The following ATP1B3 variants were observed in gnomAD, a reference collection of about 807,000 sequenced individuals.
ATP1B3 encodes ATPase Na+/K+ transporting subunit beta 3.
Under a neutral mutation model 30.2 loss-of-function variants are expected in ATP1B3, and 10 were observed. The observed-to-expected ratio is 0.33, with a 90% CI of 0.20 to 0.56. The LOEUF (loss-of-function observed/expected upper bound fraction) is 0.56. ATP1B3 is among the 20% of genes least tolerant of loss of function. The pLI is 0.90. For missense variants in ATP1B3, 238 were observed against 336.7 expected, an observed-to-expected ratio of 0.71 and a Z score of 2.29; for synonymous variants, 113 against 117.0, an observed-to-expected ratio of 0.97 and a Z score of 0.22.
At chr3:141,912,102 C>T (rs1389375116) in intron 3 of ATP1B3, among the ~76,000 whole-genome samples, 1 of 152,140 alleles carries the variant, frequency 6.6e-6, no homozygotes, top group Non-Finnish European at 1.5e-5. Context: ...TCTACCCCCA[C>T]AAAATACCTG....
intron 1 of ATP1B3, among the ~76,000 whole-genome samples, chr3:141,880,081 A>C (rs182221152): frequency 1.1e-4 from 16 of 152,180 alleles, no homozygotes; most frequent in Admixed American, 2.0e-4. Flanking sequence ...TTAAGTCTTT[A>C]GTATGTTTGT....
At chr3:141,924,511 T>G (rs577452787) in intron 6 of ATP1B3, among the ~76,000 whole-genome samples, 2 of 152,090 alleles carry the variant, frequency 1.3e-5, no homozygotes, top group South Asian at 4.2e-4. Context: ...TAGCTGGGTA[T>G]GGTGGTGGGC....
chr3:141,916,296 A>G, intron 5 of ATP1B3: 2 of 489,470 alleles, frequency 4.1e-6, no homozygotes, highest in Non-Finnish European at 8.0e-6. Context: ...CTGCCAGCTC[A>G]GTAACACTGA....
At chr3:141,906,780 A>T (rs1266598381) in intron 2 of ATP1B3, among the ~76,000 whole-genome samples, 1 of 152,260 alleles carries the variant, frequency 6.6e-6, no homozygotes, top group Admixed American at 6.5e-5. Flanking sequence ...TGACAAAAGT[A>T]CGTAGGCTTT....
chr3:141,912,186 A>G (rs1386921573), intron 3 of ATP1B3, among the ~76,000 whole-genome samples: 1 of 104,410 alleles, frequency 9.6e-6, no homozygotes, highest in Non-Finnish European at 1.9e-5. Flanking sequence ...GATGAAACCA[A>G]ACATTTTGAC....
At chr3:141,876,961 C>G in intron 1 of ATP1B3, 51 bp downstream of exon 1, 1 of 1,433,118 alleles carries the variant, frequency 7.0e-7, no homozygotes, top group Non-Finnish European at 9.4e-7. Context: ...CCCGGGGGCG[C>G]CGGGCGCGGT....
Position 141,913,658 on chromosome 3 carries a change from C to G in ATP1B3, c.353C>G (p.Thr118Ser). The change falls in exon 4 of 7, where the codon ACT becomes AGT. Residue 118 changes from threonine to serine, a missense_variant. This residue lies in a region of ATP1B3 where 130 missense variants were observed against 148.8 expected (regional missense o/e 0.87). Coordinates refer to ENST00000286371, the MANE Select transcript of ATP1B3 (RefSeq NM_001679.4). ...ATATATGTTTCCTTTTTAGCATATA[C>G]TTTAGAAGAACAGAAGAACCTCACA... ...EDLKKFLKPY[T>S]LEEQKNLTVC... 6.2e-7 allele frequency: 1 copy of G among 1,609,674 alleles called. No homozygotes were observed. The highest frequency in any genetic ancestry group is 1.1e-5 in the South Asian group (1 of 90,352).
At chr3:141,883,410 C>G (rs559884796) in intron 1 of ATP1B3, among the ~76,000 whole-genome samples, 5 of 152,026 alleles carry the variant, frequency 3.3e-5, no homozygotes, top group African/African-American at 4.8e-5. Flanking sequence ...TGCAACTATT[C>G]GGGAGGCTGA....
At chr3:141,922,464 C>T (rs576269351) in intron 6 of ATP1B3, among the ~76,000 whole-genome samples, 1 of 151,616 alleles carries the variant, frequency 6.6e-6, no homozygotes, top group African/African-American at 2.4e-5. Context: ...ACCAGCCTGG[C>T]CAACTTGGCG....
chr3:141,883,559 A>G (rs1219175940), intron 1 of ATP1B3, among the ~76,000 whole-genome samples: 3 of 152,198 alleles, frequency 2.0e-5, no homozygotes, highest in African/African-American at 7.2e-5. Flanking sequence ...ACCTTTTTCT[A>G]TCATAGCATT....
intron 4 of ATP1B3, 34 bp downstream of exon 4, chr3:141,913,870 T>C: frequency 6.5e-7 from 1 of 1,549,870 alleles, no homozygotes; most frequent in South Asian, 1.3e-5. Flanking sequence ...TGCTGCTTTT[T>C]TCTAATATTC....
chr3:141,902,328 G>C (rs1934179711), intron 1 of ATP1B3: 1 of 827,510 alleles, frequency 1.2e-6, no homozygotes, highest in African/African-American at 1.8e-5. Flanking sequence ...GGTGATTCCT[G>C]CCTTGCAGTT....
chr3:141,881,204 C>CCA (rs1933718887), intron 1 of ATP1B3, among the ~76,000 whole-genome samples: 1 of 117,260 alleles, frequency 8.5e-6, no homozygotes, highest in Non-Finnish European at 1.8e-5. Flanking sequence ...ACTCCACCTC[C>CCA]AAAAAAAAAA....
intron 1 of ATP1B3, among the ~76,000 whole-genome samples, chr3:141,901,102 G>A (rs1482096469): frequency 1.3e-5 from 2 of 152,096 alleles, no homozygotes; most frequent in Non-Finnish European, 2.9e-5. Flanking sequence ...TTCTTTAGTT[G>A]GGTAATAAGG....
chr3:141,913,975 C>A, intron 4 of ATP1B3, 139 bp downstream of exon 4: 3 of 768,024 alleles, frequency 3.9e-6, no homozygotes, highest in Non-Finnish European at 6.0e-6. Flanking sequence ...GCTTTAAAGA[C>A]TAGCAGTAAT....
At chr3:141,887,002 C>CA (rs1371071683) in intron 1 of ATP1B3, among the ~76,000 whole-genome samples, 4 of 150,954 alleles carry the variant, frequency 2.6e-5, no homozygotes, top group South Asian at 2.1e-4. Context: ...GACCATACCT[C>CA]AAAAAAAAGA....
intron 3 of ATP1B3, among the ~76,000 whole-genome samples, chr3:141,910,117 T>A: frequency 6.6e-6 from 1 of 152,022 alleles, no homozygotes; most frequent in East Asian, 1.9e-4. Context: ...GAATACAGGC[T>A]CACATCATCA....
intron 1 of ATP1B3, among the ~76,000 whole-genome samples, chr3:141,879,636 G>A (rs1056920006): frequency 4.6e-5 from 7 of 151,398 alleles, no homozygotes; most frequent in Non-Finnish European, 1.0e-4. Context: ...AAAATTAGCC[G>A]GGTGTGGTGG....
rs1934660552 is a variant in ATP1B3, at chr3:141,926,306, C to T, written c.*605C>T. 1 of 148,000 alleles carries T rather than the reference C, an allele frequency of 6.8e-6. No homozygotes were observed. The highest frequency in any genetic ancestry group is 1.5e-5 in the Non-Finnish European group (1 of 67,224). The allele number at this position is 148,000 out of a possible 1,614,324, so 9.2% of individuals were successfully genotyped here. On this transcript the variant is annotated 3_prime_UTR_variant, in exon 7 of 7. Coordinates refer to ENST00000286371, the MANE Select transcript of ATP1B3 (RefSeq NM_001679.4). ...TTTGTAAAACATGTAAAAAAAAAAA[C>T]TGGGATTAATTTTTAGTGTTGGAAC...
Sources: allele counts gnomAD v4.1 joint callset (sites outside exome capture counted in the v4.1 genomes callset), GRCh38; gene constraint gnomAD v4.1.1; regional missense constraint gnomAD v4.1.1; transcripts MANE v1.5; gene names NCBI Gene and HGNC (gene_info 2026-07-23, HGNC 2026-07-21).